Variants in PTGER3 observed in about 807,000 individuals in gnomAD.
PTGER3 encodes the protein prostaglandin E receptor 3.
In PTGER3, 22 loss-of-function variants were observed where a neutral mutation model predicts 34.7. The ratio of observed to expected loss-of-function variants is 0.63; its 90% CI spans 0.45 to 0.91. PTGER3 has a LOEUF of 0.91. Ranked by LOEUF, PTGER3 falls within the 40% of genes least tolerant of loss-of-function variation. PTGER3 has a pLI of 0.00. For synonymous variants in PTGER3, 241 were observed against 230.1 expected, an observed-to-expected ratio of 1.05 and a Z score of -0.43; for missense variants, 468 against 519.4, an observed-to-expected ratio of 0.90 and a Z score of 0.96.
chr1:70,969,806 AG>A (rs973809628), downstream of PTGER3, among the ~76,000 whole-genome samples: 15 of 152,172 alleles, frequency 9.9e-5, no homozygotes, highest in African/African-American at 3.4e-4. Context: ...GTTGAAATTG[AG>A]ATTCACATTA....
intron 2 of PTGER3, among the ~76,000 whole-genome samples, chr1:70,995,502 G>A (rs1655853835): frequency 6.6e-6 from 1 of 152,098 alleles, no homozygotes; most frequent in African/African-American, 2.4e-5. Context: ...TCTAAAGAAA[G>A]TATGAAAGTG....
intron 4 of PTGER3, among the ~76,000 whole-genome samples, chr1:70,902,143 A>T (rs1441983266): frequency 2.6e-5 from 4 of 152,210 alleles, no homozygotes; most frequent in African/African-American, 9.6e-5. Context: ...ATTTTTAAAA[A>T]TAACAATAAT....
chr1:71,007,226 A>G, intron 2 of PTGER3: 7 of 985,344 alleles, frequency 7.1e-6, no homozygotes, highest in Non-Finnish European at 8.4e-6. Context: ...TAGGCACACC[A>G]TGTAAATAGT....
At chr1:70,956,909 C>T (rs964642390) in intron 2 of PTGER3, among the ~76,000 whole-genome samples, 35 of 152,242 alleles carry the variant, frequency 2.3e-4, no homozygotes, top group Middle Eastern at 3.4e-3. Flanking sequence ...GCAGGAGAAT[C>T]GCTTGAGCCA....
chr1:71,023,910 T>C (rs1248782653), intron 1 of PTGER3, among the ~76,000 whole-genome samples: 1 of 151,862 alleles, frequency 6.6e-6, no homozygotes, highest in Non-Finnish European at 1.5e-5. Context: ...GTCTGAACTA[T>C]CACAATCATC....
At chr1:70,885,181 C>A (rs1646470853) in intron 4 of PTGER3, among the ~76,000 whole-genome samples, 1 of 151,814 alleles carries the variant, frequency 6.6e-6, no homozygotes, top group African/African-American at 2.4e-5. Flanking sequence ...CCACTTCATT[C>A]TGAGAGCATT....
At chr1:70,973,300 G>A (rs1000746262) in intron 3 of PTGER3, among the ~76,000 whole-genome samples, 1 of 151,994 alleles carries the variant, frequency 6.6e-6, no homozygotes, top group East Asian at 1.9e-4. Flanking sequence ...ATGTGGGGAA[G>A]GATATAGGAT....
At chr1:70,951,180 T>A (rs1374109460), downstream of PTGER3, 1 of 152,228 alleles carries the variant, frequency 6.6e-6, no homozygotes, top group Admixed American at 6.5e-5. Context: ...TTTTTATAAC[T>A]ACTTTCTGCA....
downstream of PTGER3, chr1:70,950,694 TG>T (rs1205662534): frequency 2.6e-5 from 4 of 152,188 alleles, no homozygotes; most frequent in African/African-American, 9.7e-5. Flanking sequence ...CAGCATTTCA[TG>T]CTATTCTTCT....
chr1:70,871,292 A>T (rs1002227699), intron 4 of PTGER3, among the ~76,000 whole-genome samples: 1 of 152,088 alleles, frequency 6.6e-6, no homozygotes, highest in Non-Finnish European at 1.5e-5. Context: ...ACTTCGCAGC[A>T]ACCAGATCTC....
intron 2 of PTGER3, chr1:71,010,203 T>TGGAAGTA: frequency 1.0e-6 from 1 of 984,356 alleles, no homozygotes. Flanking sequence ...CACTATCATT[T>TGGAAGTA]GGAAGTATCA....
intron 4 of PTGER3, among the ~76,000 whole-genome samples, chr1:70,912,159 G>A (rs994385970): frequency 3.1e-5 from 4 of 129,918 alleles, no homozygotes; most frequent in Non-Finnish European, 5.2e-5. Flanking sequence ...ATTACAAAAT[G>A]TTACAAAATT....
intron 2 of PTGER3, among the ~76,000 whole-genome samples, chr1:71,003,828 T>C (rs1468832429): frequency 3.3e-5 from 5 of 152,206 alleles, no homozygotes; most frequent in Non-Finnish European, 7.3e-5. Flanking sequence ...GTTCCTTAAA[T>C]CATAGAGGCT....
intron 4 of PTGER3, among the ~76,000 whole-genome samples, chr1:70,871,700 T>G (rs980963433): frequency 1.3e-5 from 2 of 152,122 alleles, no homozygotes; most frequent in African/African-American, 4.8e-5. Context: ...AATTTTAATG[T>G]GAATGCAAAC....
At chr1:70,876,025 A>G (rs1646265105) in intron 4 of PTGER3, among the ~76,000 whole-genome samples, 1 of 152,212 alleles carries the variant, frequency 6.6e-6, no homozygotes, top group Admixed American at 6.5e-5. Context: ...AGTGCTTTCC[A>G]CAATGGCTGA....
intron 4 of PTGER3, among the ~76,000 whole-genome samples, chr1:70,906,922 T>C (rs1232347076): frequency 2.6e-5 from 4 of 152,342 alleles, no homozygotes; most frequent in African/African-American, 7.2e-5. Flanking sequence ...CATATAAAGC[T>C]ATCTTCTCAT....
chr1:70,962,347 A>G (rs963275882), intron 2 of PTGER3, among the ~76,000 whole-genome samples: 1 of 152,116 alleles, frequency 6.6e-6, no homozygotes, highest in Admixed American at 6.5e-5. Context: ...TTTGTTTGCT[A>G]TCTCAACAGG....
chr1:70,926,450 T>G (rs1464921341), intron 4 of PTGER3, among the ~76,000 whole-genome samples: 1 of 152,182 alleles, frequency 6.6e-6, no homozygotes, highest in Non-Finnish European at 1.5e-5. Flanking sequence ...CAATTGTGAA[T>G]GGGAGTTCAC....
chr1:70,917,157 C>T (rs545274822), intron 4 of PTGER3, among the ~76,000 whole-genome samples: 1 of 152,048 alleles, frequency 6.6e-6, no homozygotes, highest in African/African-American at 2.4e-5. Flanking sequence ...ACTTTGTACA[C>T]ATTGACCAAT....
Sources: gnomAD v4.1 joint callset for allele counts (sites outside exome capture counted in the v4.1 genomes callset) on GRCh38, gnomAD v4.1.1 for gene constraint, MANE v1.5 for transcripts, NCBI Gene and HGNC (gene_info 2026-07-23, HGNC 2026-07-21) for gene names.